The following AHNAK variants were observed in gnomAD, a reference collection of about 807,000 sequenced individuals.
AHNAK encodes neuroblast differentiation-associated protein AHNAK.
AHNAK carries 23 observed loss-of-function variants against 37.8 expected under a neutral mutation model. The ratio of observed to expected loss-of-function variants is 0.61; its 90% CI spans 0.44 to 0.86. The LOEUF is 0.86. Ranked by LOEUF, AHNAK falls within the 40% of genes least tolerant of loss-of-function variation. AHNAK has a pLI of 0.00. For missense variants in AHNAK, 7,411 were observed against 7,319.4 expected, an observed-to-expected ratio of 1.01 and a Z score of -0.46; for synonymous variants, 2,481 against 2,636.3, an observed-to-expected ratio of 0.94 and a Z score of 1.80.
chr11:62,502,081 C>T (rs1425195770), intron 4 of AHNAK, among the ~76,000 whole-genome samples: 2 of 152,156 alleles, frequency 1.3e-5, no homozygotes. Context: ...TCCTTCACTC[C>T]CTCTTCCTCA....
chr11:62,491,878 A>G (rs764004281), intron 4 of AHNAK: 128 of 1,534,422 alleles, frequency 8.3e-5, no homozygotes, highest in Non-Finnish European at 1.1e-4. Flanking sequence ...AAATCATCCA[A>G]TCAATGAGCA....
chr11:62,483,493 G>A lies in AHNAK; in HGVS notation c.442+8239C>T, dbSNP rs527988149. On this transcript the variant is annotated intron_variant, in intron 5 of 5. Coordinates refer to the AHNAK transcript ENST00000257247. ...TGTAATCCCAGCACTCTGGGAGGCC[G>A]AGGCGGGCGGATCACGAGGTCAGGA... Among the ~76,000 whole-genome samples, 463 of 152,236 alleles carry A rather than the reference G, an allele frequency of 3.0e-3. 3 individuals are homozygous for A. Among genetic ancestry groups the A allele is most frequent in the Middle Eastern group, 6.8e-3 (2 of 294 alleles).
chr11:62,498,432 A>C lies in AHNAK; in HGVS notation c.343-6601T>G, dbSNP rs115878858. The stretch of plus-strand genomic sequence containing the variant: ...TAATTATAATTACACTATATAGTGT[A>C]ATTATAATTACACTATATGGTGTAA... On this transcript the variant is annotated intron_variant, in intron 4 of 5. Transcript: ENST00000257247. Among the ~76,000 whole-genome samples, 434 of 151,580 alleles carry C rather than the reference A, an allele frequency of 2.9e-3. 2 individuals carry two copies. Among genetic ancestry groups the C allele is most frequent in the African/African-American group, 0.01 (414 of 41,350 alleles).
At position 62,526,631 on chromosome 11, in the gene AHNAK, C is replaced by T. The variant is rs1422073350; in HGVS notation, c.7786G>A (p.Asp2596Asn). Residue 2596 changes from aspartate (D) to asparagine (N), a missense_variant, in exon 5 of 5, where the codon GAT becomes AAT. Asp to Asn is a conservative substitution (Grantham distance 23, BLOSUM62 1). Coordinates refer to ENST00000378024, the MANE Select transcript of AHNAK (RefSeq NM_001620.3). ...LHLKGPKVKG[D>N]VDVSLPKVEG... ...ACTTTGGGCAGAGAAACATCCACATCGCCCTTCACCTTGGGACCTTTCAGA... is the reference window on the plus strand; with the variant it reads ...ACTTTGGGCAGAGAAACATCCACATTGCCCTTCACCTTGGGACCTTTCAGA... The T allele has an allele frequency of 5.0e-6, 8 of 1,613,570 alleles. No homozygotes were observed. Among genetic ancestry groups the T allele is most frequent in the East Asian group, 2.2e-5 (1 of 44,854 alleles).
intron 5 of AHNAK, among the ~76,000 whole-genome samples, chr11:62,441,003 A>T (rs1305555572): frequency 1.4e-5 from 2 of 144,562 alleles, no homozygotes; most frequent in African/African-American, 5.0e-5. Flanking sequence ...CGTCTGTATA[A>T]TTTTTTTTTT....
chr11:62,480,258 G>T (rs969134257), intron 5 of AHNAK, among the ~76,000 whole-genome samples: 2 of 152,194 alleles, frequency 1.3e-5, no homozygotes, highest in African/African-American at 4.8e-5. Flanking sequence ...ATACTTTAGG[G>T]GTGGGAGGAA....
At chr11:62,477,030 G>A (rs1034509125) in intron 5 of AHNAK, among the ~76,000 whole-genome samples, 17 of 152,128 alleles carry the variant, frequency 1.1e-4, no homozygotes, top group Non-Finnish European at 1.5e-5. Flanking sequence ...TTCAAAAGTT[G>A]AACGAATTGT....
chr11:62,519,466 G>C lies in AHNAK; in HGVS notation c.14951C>G (p.Ala4984Gly). The C allele has an allele frequency of 6.2e-7, 1 of 1,612,156 alleles. No homozygotes were observed. The highest frequency in any genetic ancestry group is 1.1e-5 in the South Asian group (1 of 90,624). Residue 4984 changes from alanine to glycine, a missense_variant, in exon 5 of 5, where the codon GCA becomes GGA. Physicochemically the swap from Ala to Gly is moderately conservative, Grantham distance 60. Transcript: ENST00000378024. ...KFKKPKFGFG[A>G]KSPKADIKSP... ...CTTGATGTCAGCTTTGGGGCTTTTT[G>C]CCCCAAATCCAAACTTGGGTTTCTT...
At chr11:62,543,281 G>A (rs1293916698) in intron 1 of AHNAK, among the ~76,000 whole-genome samples, 6 of 152,246 alleles carry the variant, frequency 3.9e-5, no homozygotes, top group Non-Finnish European at 4.4e-5. Context: ...CTACGGGCCC[G>A]CAGGAAACCT....
At chr11:62,450,124 A>T (rs1031970219) in intron 5 of AHNAK, among the ~76,000 whole-genome samples, 44 of 138,626 alleles carry the variant, frequency 3.2e-4, no homozygotes, top group African/African-American at 9.8e-4. Context: ...TTATTTTATT[A>T]TTTTATTTTA....
At chr11:62,489,004 G>C (rs1038796057) in intron 5 of AHNAK, among the ~76,000 whole-genome samples, 1 of 152,002 alleles carries the variant, frequency 6.6e-6, no homozygotes, top group Non-Finnish European at 1.5e-5. Flanking sequence ...ACTTTGGGAG[G>C]CCCAGGCGGG....
intron 5 of AHNAK, among the ~76,000 whole-genome samples, chr11:62,465,061 A>G (rs1244960323): frequency 6.6e-6 from 1 of 151,886 alleles, no homozygotes; most frequent in East Asian, 1.9e-4. Context: ...CCTTTGCTGC[A>G]TCCTCTTCCT....
At position 62,528,437 on chromosome 11, in the gene AHNAK, C is replaced by T. The variant is rs781592787; in HGVS notation, c.5980G>A (p.Val1994Met). ...FKTPKISMPD[V>M]DLHLKGPKVK... ...TTGGGGCCTTTCAGGTGTAAGTCCACATCAGGCATGGAGATCTTGGGGGTC... is the reference window on the plus strand; with the variant it reads ...TTGGGGCCTTTCAGGTGTAAGTCCATATCAGGCATGGAGATCTTGGGGGTC... Residue 1994 changes from valine (V) to methionine (M), a missense_variant, in exon 5 of 5, where the codon GTG becomes ATG. Val to Met is a conservative substitution (Grantham distance 21, BLOSUM62 1). Transcript: ENST00000378024. 3.7e-6 allele frequency: 6 copies of T among 1,613,712 alleles called. No individual in the cohort carries two copies. The Admixed American group carries it at 8.3e-5, about 22-fold the overall frequency.
chr11:62,435,660 A>G (rs1028492507), intron 5 of AHNAK, among the ~76,000 whole-genome samples: 3 of 152,048 alleles, frequency 2.0e-5, no homozygotes, highest in South Asian at 2.1e-4. Context: ...TGATCCGCCC[A>G]CCTCGGCCTC....
In AHNAK at chr11:62,519,215, C is replaced by T; in HGVS notation, c.15202G>A (p.Asp5068Asn). ...PDVDVNIAGPDAALKVDVKSP... is the reference protein window; with the variant it reads ...PDVDVNIAGPNAALKVDVKSP... ...TTCACGTCGACTTTGAGTGCAGCAT[C>T]CGGCCCTGCGATGTTGACATCTACA... The change falls in exon 5 of 5, where the codon GAT becomes AAT. Residue 5068 changes from aspartate to asparagine, a missense_variant. Transcript: ENST00000378024. 1 of 1,613,660 alleles carries T rather than the reference C, an allele frequency of 6.2e-7. No homozygotes were observed.
Position 62,516,483 on chromosome 11 carries a change from A to T in AHNAK, c.*261T>A, listed in dbSNP as rs543159172. On this transcript the variant is annotated 3_prime_UTR_variant, in exon 5 of 5. Coordinates refer to ENST00000378024, the MANE Select transcript of AHNAK (RefSeq NM_001620.3). ...GAGCTCTCAGCAGTCAATGCAAAAA[A>T]ATATATATATATGAAATCTTAAGGC... The T allele has an allele frequency of 3.8e-4, 512 of 1,342,186 alleles. 1 individual carries two copies. The highest frequency in any genetic ancestry group is 1.4e-3 in the Middle Eastern group (5 of 3,636). 83.1% of individuals were successfully genotyped at this position (1,342,186 alleles called of 1,614,324 possible).
chr11:62,461,865 G>C (rs1259789081), intron 5 of AHNAK, among the ~76,000 whole-genome samples: 1 of 151,162 alleles, frequency 6.6e-6, no homozygotes, highest in East Asian at 1.9e-4. Flanking sequence ...GATAGTTCAC[G>C]GCAAAATGGG....
intron 4 of AHNAK, among the ~76,000 whole-genome samples, chr11:62,500,540 C>T (rs1015246974): frequency 6.6e-6 from 1 of 152,094 alleles, no homozygotes; most frequent in Non-Finnish European, 1.5e-5. Context: ...TCAGAGAGCC[C>T]GATGATGACA....
chr11:62,525,685 C>A lies in AHNAK; in HGVS notation c.8732G>T (p.Gly2911Val), dbSNP rs764733149. 8 of 1,613,592 alleles carry A rather than the reference C, an allele frequency of 5.0e-6. No homozygotes were observed. Among genetic ancestry groups the A allele is most frequent in the Non-Finnish European group, 6.8e-6 (8 of 1,179,924 alleles). Residue 2911 changes from glycine to valine, a missense_variant, in exon 5 of 5, where the codon GGC becomes GTC. Physicochemically the swap from Gly to Val is moderately radical, Grantham distance 109. Transcript: ENST00000378024. ...GGGCAGGTTCACATCCACTTCAGGG[C>A]CCTCTGCTTTGAAGCCAGGCATGCT... Reference protein sequence around the residue: ...KFSMPGFKAEGPEVDVNLPKA... With the variant: ...KFSMPGFKAEVPEVDVNLPKA...
Sources: allele counts gnomAD v4.1 joint callset (sites outside exome capture counted in the v4.1 genomes callset), GRCh38; gene constraint gnomAD v4.1.1; transcripts MANE v1.5; gene names NCBI Gene and HGNC (gene_info 2026-07-23, HGNC 2026-07-21).